The following OPCML variants were observed in gnomAD, a reference collection of about 807,000 sequenced individuals.
OPCML encodes the protein opioid-binding protein/cell adhesion molecule.
In OPCML, 13 loss-of-function variants were observed where a neutral mutation model predicts 37.8. The observed-to-expected ratio is 0.34, with a 90% CI of 0.22 to 0.55. OPCML has a LOEUF of 0.55. Ranked by LOEUF, OPCML falls within the 20% of genes least tolerant of loss-of-function variation. OPCML has a pLI of 0.91. For synonymous variants in OPCML, 176 were observed against 168.8 expected, an observed-to-expected ratio of 1.04 and a Z score of -0.33; for missense variants, 341 against 435.6, an observed-to-expected ratio of 0.78 and a Z score of 1.93.
At chr11:133,428,828 A>G (rs900308980) in intron 1 of OPCML, among the ~76,000 whole-genome samples, 1 of 152,236 alleles carries the variant, frequency 6.6e-6, no homozygotes, top group Admixed American at 6.5e-5. Context: ...CTTTGGAAAC[A>G]TGATGAAGTA....
chr11:132,652,165 A>T (rs902093670), intron 3 of OPCML, among the ~76,000 whole-genome samples: 2 of 152,184 alleles, frequency 1.3e-5, no homozygotes, highest in Non-Finnish European at 2.9e-5. Context: ...GTAACATTTA[A>T]AATGCATATC....
chr11:132,470,560 G>A (rs1042090584), intron 4 of OPCML, among the ~76,000 whole-genome samples: 3 of 152,190 alleles, frequency 2.0e-5, no homozygotes, highest in Non-Finnish European at 4.4e-5. Flanking sequence ...GAGCATGAAC[G>A]CATGAATGTG....
rs5795841 is a variant in OPCML, at chr11:133,434,777, GAA to G, written c.61+97485_61+97486del. ...TCCAATCAAGTGATGGCTTTGGCCA[GAA>G]AAAAAAAATTATATATATGTATATA... On this transcript the variant is annotated intron_variant, in intron 1 of 7. Coordinates refer to ENST00000524381, the MANE Select transcript of OPCML (RefSeq NM_001012393.5). 2.0e-4 allele frequency among the ~76,000 whole-genome samples: 23 copies of G among 113,246 alleles called. 1 individual carries two copies. The highest frequency in any genetic ancestry group is 6.4e-4 in the African/African-American group (20 of 31,272). The allele number at this position is 113,246 out of a possible 152,430, so 74.3% of individuals were successfully genotyped here.
intron 1 of OPCML, among the ~76,000 whole-genome samples, chr11:133,256,855 A>T (rs749883561): frequency 1.3e-5 from 2 of 152,240 alleles, no homozygotes; most frequent in Non-Finnish European, 2.9e-5. Context: ...TTCTCCAAAC[A>T]TTTATTGTGA....
At chr11:132,726,107 T>C (rs539607749) in intron 2 of OPCML, among the ~76,000 whole-genome samples, 1 of 152,330 alleles carries the variant, frequency 6.6e-6, no homozygotes, top group Non-Finnish European at 1.5e-5. Flanking sequence ...GTTACCCAGT[T>C]CCAAAGTTGC....
At chr11:133,517,974 C>T (rs79685175) in intron 1 of OPCML, among the ~76,000 whole-genome samples, 1 of 152,146 alleles carries the variant, frequency 6.6e-6, no homozygotes, top group Non-Finnish European at 1.5e-5. Context: ...AGGAAGCAGT[C>T]TCTTTCTCTA....
At chr11:133,241,575 T>C (rs1386826947) in intron 1 of OPCML, among the ~76,000 whole-genome samples, 1 of 152,248 alleles carries the variant, frequency 6.6e-6, no homozygotes, top group Non-Finnish European at 1.5e-5. Context: ...TGACAAAATC[T>C]AAATTCCACA....
intron 2 of OPCML, among the ~76,000 whole-genome samples, chr11:132,815,715 G>A (rs1170511793): frequency 6.6e-6 from 1 of 152,162 alleles, no homozygotes; most frequent in East Asian, 1.9e-4. Flanking sequence ...ATGGGGTTGA[G>A]ATGGTTTTAA....
At chr11:132,434,338 G>A (rs1395124401) in intron 7 of OPCML, among the ~76,000 whole-genome samples, 2 of 152,190 alleles carry the variant, frequency 1.3e-5, no homozygotes, top group Non-Finnish European at 2.9e-5. Context: ...TGACATCTTA[G>A]AACAGTAGGG....
intron 1 of OPCML, among the ~76,000 whole-genome samples, chr11:133,029,210 G>GA (rs140011978): frequency 0.13 from 20,305 of 152,034 alleles, 1,753 homozygotes; most frequent in Admixed American, 0.28. Context: ...AAAGTCAAAA[G>GA]AAAAAATAAC....
intron 1 of OPCML, among the ~76,000 whole-genome samples, chr11:133,189,762 G>T (rs1938228237): frequency 6.6e-6 from 1 of 152,126 alleles, no homozygotes; most frequent in African/African-American, 2.4e-5. Context: ...ACCAGGTAGG[G>T]CTCCAATCAA....
intron 1 of OPCML, among the ~76,000 whole-genome samples, chr11:133,238,368 T>TA (rs1413917754): frequency 1.3e-5 from 2 of 152,254 alleles, no homozygotes; most frequent in African/African-American, 4.8e-5. Context: ...CACAAAGATG[T>TA]AAAATAAGAA....
At chr11:133,231,239 A>G (rs900989527) in intron 1 of OPCML, among the ~76,000 whole-genome samples, 1 of 152,186 alleles carries the variant, frequency 6.6e-6, no homozygotes, top group South Asian at 2.1e-4. Flanking sequence ...ATTAAGCTCC[A>G]GCTTGGATAC....
chr11:132,845,603 T>G (rs564231835), intron 2 of OPCML, among the ~76,000 whole-genome samples: 4 of 152,288 alleles, frequency 2.6e-5, no homozygotes, highest in African/African-American at 9.6e-5. Context: ...TGGATAATAT[T>G]CGAGTTCCCA....
intron 1 of OPCML, among the ~76,000 whole-genome samples, chr11:133,101,691 A>G (rs1304245163): frequency 1.3e-5 from 2 of 152,204 alleles, no homozygotes; most frequent in African/African-American, 4.8e-5. Flanking sequence ...CTCTTACCAT[A>G]TGATCTGGCC....
At chr11:133,142,977 T>C (rs951502667) in intron 1 of OPCML, among the ~76,000 whole-genome samples, 1 of 152,188 alleles carries the variant, frequency 6.6e-6, no homozygotes, top group Non-Finnish European at 1.5e-5. Context: ...CTGCTGGCTC[T>C]TGTCCTTAGA....
At chr11:133,094,225 T>C (rs985534565) in intron 1 of OPCML, among the ~76,000 whole-genome samples, 1 of 152,132 alleles carries the variant, frequency 6.6e-6, no homozygotes, top group Non-Finnish European at 1.5e-5. Flanking sequence ...AATAAAAAAA[T>C]GGTATATGTT....
chr11:132,631,035 A>C (rs1940069477), intron 3 of OPCML, among the ~76,000 whole-genome samples: 3 of 152,178 alleles, frequency 2.0e-5, no homozygotes. Flanking sequence ...TATATACTGT[A>C]TAAAATCATA....
At chr11:132,481,712 A>G (rs2096181152) in intron 4 of OPCML, among the ~76,000 whole-genome samples, 1 of 149,700 alleles carries the variant, frequency 6.7e-6, no homozygotes, top group African/African-American at 2.4e-5. Context: ...AAATTATAAC[A>G]AACTATCTCT....
Sources: allele counts gnomAD v4.1 joint callset (sites outside exome capture counted in the v4.1 genomes callset), GRCh38; gene constraint gnomAD v4.1.1; transcripts MANE v1.5; gene names NCBI Gene and HGNC (gene_info 2026-07-23, HGNC 2026-07-21).